Variants in ZMAT1 observed in about 807,000 individuals in gnomAD.
ZMAT1 encodes zinc finger matrin-type protein 1.
A neutral mutation model predicts 18.5 loss-of-function variants in ZMAT1; 11 were observed. The observed-to-expected ratio is 0.59, with a 90% confidence interval of 0.37 to 0.98. The LOEUF (loss-of-function observed/expected upper bound fraction) is 0.98, where lower values mean the gene tolerates loss of function less well. Ranked by LOEUF, ZMAT1 falls within the 50% of genes least tolerant of loss-of-function variation. ZMAT1 has a pLI of 0.01. For synonymous variants in ZMAT1, 211 were observed against 176.4 expected (o/e 1.20, Z -1.55); for missense variants, 525 against 496.2 (o/e 1.06, Z -0.55).
At chrX:101,902,122 T>C (rs747246034) in intron 2 of ZMAT1, among the ~76,000 whole-genome samples, 33 of 112,209 alleles carry the variant, frequency 2.9e-4, no homozygotes, top group African/African-American at 9.0e-4. Context: ...AGTGTTTCCC[T>C]ATATTATCTT....
At chrX:101,915,444 A>G (rs1348268498) in intron 1 of ZMAT1, 1 of 111,701 alleles carries the variant, frequency 9.0e-6, no homozygotes, top group Non-Finnish European at 1.9e-5. Context: ...TACTTGGGAA[A>G]ACCTATAGAC....
chrX:101,911,484 CAT>C, intron 1 of ZMAT1: 1 of 709,657 alleles, frequency 1.4e-6, no homozygotes, highest in Non-Finnish European at 2.1e-6. Context: ...CTTTTCAAGA[CAT>C]AGTACAGTAA....
At chrX:101,908,774 C>T (rs1037590477) in intron 1 of ZMAT1, among the ~76,000 whole-genome samples, 4 of 111,652 alleles carry the variant, frequency 3.6e-5, no homozygotes, top group African/African-American at 1.3e-4. Flanking sequence ...GCAAACCTTA[C>T]CTCTGAGGGC....
chrX:101,912,749 G>A (rs1458818723), intron 1 of ZMAT1, among the ~76,000 whole-genome samples: 2 of 112,075 alleles, frequency 1.8e-5, no homozygotes, highest in East Asian at 5.6e-4. Flanking sequence ...CAAAGTATCA[G>A]TGTACTATAA....
In ZMAT1 at chrX:101,909,655, G is replaced by A. The variant is rs183908223; in HGVS notation, c.293-5325C>T. 6.2e-5 allele frequency among the ~76,000 whole-genome samples: 7 copies of A among 112,705 alleles called. No individual in the cohort carries two copies. In the East Asian group the frequency reaches 2.0e-3, roughly 32 times the overall value. ...AGTACACCTTGCCTTGTGGCCAGGGGTGGCCGTGGCTATGGGGTGAGGCTA... is the reference window on the plus strand; with the variant it reads ...AGTACACCTTGCCTTGTGGCCAGGGATGGCCGTGGCTATGGGGTGAGGCTA... On this transcript the variant is annotated intron_variant, in intron 1 of 5. Coordinates refer to ENST00000651725, the MANE Select transcript of ZMAT1 (RefSeq NM_001394560.1).
intron 5 of ZMAT1, among the ~76,000 whole-genome samples, chrX:101,885,928 C>A (rs1023745413): frequency 9.0e-6 from 1 of 111,405 alleles, no homozygotes; most frequent in African/African-American, 3.3e-5. Flanking sequence ...GCTCTTCCTC[C>A]CACAGTGCTG....
intron 1 of ZMAT1, among the ~76,000 whole-genome samples, chrX:101,913,270 A>G (rs1414067849): frequency 1.8e-5 from 2 of 111,613 alleles, no homozygotes; most frequent in African/African-American, 6.5e-5. Context: ...AATGAAAGAA[A>G]GAAGGAAGAG....
Position 101,920,748 on chromosome X carries a change from A to C in ZMAT1, c.292+10969T>G, listed in dbSNP as rs1332358310. Among the ~76,000 whole-genome samples the C allele has an allele frequency of 8.0e-5, 9 of 112,470 alleles. No homozygotes were observed. The Admixed American group carries it at 8.5e-4, about 11-fold the overall frequency. On this transcript the variant is annotated intron_variant, in intron 1 of 5. Coordinates refer to ENST00000651725, the MANE Select transcript of ZMAT1 (RefSeq NM_001394560.1). The stretch of plus-strand genomic sequence containing the variant: ...AATCCTAATGTAAAAATAATTAATC[A>C]ATCAGGGTTTTCTATCACATCCAAA...
intron 1 of ZMAT1, among the ~76,000 whole-genome samples, chrX:101,929,494 C>G (rs5944786): frequency 1.3e-5 from 1 of 77,909 alleles, no homozygotes; most frequent in South Asian, 5.8e-4. Context: ...GAGAGAGAGA[C>G]ACACAAATAT....
intron 1 of ZMAT1, chrX:101,915,710 C>T (rs946298465): frequency 8.9e-6 from 1 of 111,920 alleles, no homozygotes; most frequent in Non-Finnish European, 1.9e-5. Context: ...TCATGCCAGT[C>T]ATAATGGTGA....
chrX:101,887,409 C>G, intron 4 of ZMAT1: 2 of 209,541 alleles, frequency 9.5e-6, no homozygotes, highest in Non-Finnish European at 1.4e-5. Context: ...GAATTAGAAG[C>G]AAGGGATACA....
chrX:101,894,751 G>C, intron 4 of ZMAT1: 1 of 753,072 alleles, frequency 1.3e-6, no homozygotes, highest in East Asian at 1.5e-4. Flanking sequence ...ACAAAGAATA[G>C]AGCTTCAAGG....
chrX:101,928,989 G>C (rs1930237566), intron 1 of ZMAT1, among the ~76,000 whole-genome samples: 1 of 110,895 alleles, frequency 9.0e-6, no homozygotes, highest in African/African-American at 3.3e-5. Flanking sequence ...TGTGAATTCT[G>C]AGTGTATATG....
At chrX:101,910,113 G>T (rs761205534) in intron 1 of ZMAT1, among the ~76,000 whole-genome samples, 1 of 112,482 alleles carries the variant, frequency 8.9e-6, no homozygotes, top group South Asian at 3.7e-4. Context: ...AGTAAGGTAA[G>T]AGAAAAAGAG....
chrX:101,883,955 C>T lies in ZMAT1; in HGVS notation c.1643G>A (p.Cys548Tyr), dbSNP rs1165325132. The change falls in exon 6 of 6, where the codon TGT becomes TAT. Residue 548 changes from cysteine (C) to tyrosine (Y), a missense_variant. By Grantham distance (194) the Cys-to-Tyr change is radical. Coordinates refer to ENST00000651725, the MANE Select transcript of ZMAT1 (RefSeq NM_001394560.1). ...SISYCQLTRD[C>Y]FPEKPVPLSL... ...CAAGGGTACTGGTTTTTCTGGGAAA[C>T]AGTCTCTGGTGAGTTGACAGTAGCT... 8.3e-7 allele frequency: 1 copy of T among 1,208,902 alleles called. No homozygotes were observed. The highest frequency in any genetic ancestry group is 1.8e-5 in the African/African-American group (1 of 57,077).
chrX:101,917,097 T>C (rs1753267655), intron 1 of ZMAT1, among the ~76,000 whole-genome samples: 1 of 112,016 alleles, frequency 8.9e-6, no homozygotes, highest in Non-Finnish European at 1.9e-5. Flanking sequence ...CAAGAAAACA[T>C]TGAGGAAAAT....
At chrX:101,900,426 T>C (rs908710696) in intron 2 of ZMAT1, among the ~76,000 whole-genome samples, 1 of 112,016 alleles carries the variant, frequency 8.9e-6, no homozygotes, top group African/African-American at 3.3e-5. Flanking sequence ...AGAATTTTTA[T>C]AATTTCAAGT....
Position 101,932,016 on chromosome X carries a change from A to G in ZMAT1, c.-8T>C. The G allele has an allele frequency of 1.3e-6, 1 of 766,038 alleles. No homozygotes were observed. The highest frequency in any genetic ancestry group is 1.5e-6 in the Non-Finnish European group (1 of 647,254). The allele number at this position is 766,038 out of a possible 1,213,427, so 63.1% of individuals were successfully genotyped here. Reference sequence around the variant, plus strand: ...GCTCGGCGCCGCCGCCATCGCAGCGAGGCGCGCGGACAATTGCACTTGCGT... The same window carrying G: ...GCTCGGCGCCGCCGCCATCGCAGCGGGGCGCGCGGACAATTGCACTTGCGT... On this transcript the variant is annotated 5_prime_UTR_variant, in exon 1 of 6. Transcript: ENST00000651725.
At chrX:101,921,406 T>C (rs1284150454) in intron 1 of ZMAT1, among the ~76,000 whole-genome samples, 1 of 112,532 alleles carries the variant, frequency 8.9e-6, no homozygotes, top group Non-Finnish European at 1.9e-5. Flanking sequence ...TTAGGACATA[T>C]TTATTCTTCC....
Sources: allele counts gnomAD v4.1 joint callset (sites outside exome capture counted in the v4.1 genomes callset), GRCh38; gene constraint gnomAD v4.1.1; transcripts MANE v1.5; gene names NCBI Gene and HGNC (gene_info 2026-07-23, HGNC 2026-07-21).